The following DGAT2L6 variants were observed in gnomAD, a reference collection of about 807,000 sequenced individuals.
DGAT2L6 encodes the protein diacylglycerol O-acyltransferase 2-like protein 6.
In DGAT2L6, 22 loss-of-function variants were observed where a neutral mutation model predicts 25.5. The observed-to-expected ratio is 0.86, with a 90% CI of 0.62 to 1.23. The LOEUF is 1.23. Ranked by LOEUF, DGAT2L6 falls within the 50% of genes most tolerant of loss-of-function variation. The probability of loss-of-function intolerance (pLI) is 0.00; values close to 1 mark genes in which losing one functional copy is unlikely to be tolerated. For missense variants in DGAT2L6, 287 were observed against 253.2 expected, an observed-to-expected ratio of 1.13 and a Z score of -0.91; for synonymous variants, 100 against 94.7, an observed-to-expected ratio of 1.06 and a Z score of -0.32.
chrX:70,204,902 T>A (rs1175990278), intron 6 of DGAT2L6, 50 bp from the exon 7 acceptor site: 1 of 1,130,661 alleles, frequency 8.8e-7, no homozygotes, highest in Middle Eastern at 2.6e-4. Flanking sequence ...GGATGAGTAG[T>A]TTGAGTTGAG....
chrX:70,186,363 CT>C (rs1458131950), intron 1 of DGAT2L6, among the ~76,000 whole-genome samples: 2 of 112,027 alleles, frequency 1.8e-5, no homozygotes, highest in Admixed American at 9.5e-5. Context: ...GTCCTCAATT[CT>C]GACCGGGAGA....
intron 1 of DGAT2L6, among the ~76,000 whole-genome samples, chrX:70,186,259 A>G (rs928745889): frequency 2.7e-5 from 3 of 112,216 alleles, no homozygotes; most frequent in African/African-American, 9.7e-5. Context: ...AGGGAGAGAG[A>G]CAGACATATG....
At position 70,190,839 on chromosome X, in the gene DGAT2L6, C is replaced by A. The variant is rs979483037; in HGVS notation, c.86-8432C>A. ...TCCAGCTCCATTCAACTGTACAGGG[C>A]AGTCCTGTCCACCCAGGAACCTGGC... is the stretch of plus-strand genomic sequence containing the variant. On this transcript the variant is annotated intron_variant, in intron 1 of 6. Coordinates refer to ENST00000333026, the MANE Select transcript of DGAT2L6 (RefSeq NM_198512.3). Among the ~76,000 whole-genome samples the A allele has an allele frequency of 8.0e-5, 9 of 112,327 alleles. No individual in the cohort carries two copies. In the South Asian group the frequency reaches 1.1e-3, roughly 14 times the overall value.
chrX:70,191,897 C>T (rs1206459041), intron 1 of DGAT2L6, among the ~76,000 whole-genome samples: 2 of 111,134 alleles, frequency 1.8e-5, no homozygotes, highest in Non-Finnish European at 3.8e-5. Context: ...GAAAAAACTG[C>T]CAATGAAGAA....
At chrX:70,191,024 C>A (rs901589912) in intron 1 of DGAT2L6, among the ~76,000 whole-genome samples, 3 of 112,200 alleles carry the variant, frequency 2.7e-5, no homozygotes, top group Non-Finnish European at 3.8e-5. Context: ...TAGCAGAAGC[C>A]CCCCCATAAA....
In DGAT2L6 at chrX:70,205,166, C is replaced by T; in HGVS notation, c.*60C>T. 1 of 1,067,130 alleles carries T rather than the reference C, an allele frequency of 9.4e-7. No homozygotes were observed. The highest frequency in any genetic ancestry group is 1.2e-6 in the Non-Finnish European group (1 of 817,846). 87.9% of individuals were successfully genotyped at this position (1,067,130 alleles called of 1,213,427 possible). ...GCCATGAGGGATCCAAGTAGAGCCACAGAAAAAGAAGAATTCCAGGAGAGG... is the reference window on the plus strand; with the variant it reads ...GCCATGAGGGATCCAAGTAGAGCCATAGAAAAAGAAGAATTCCAGGAGAGG... On this transcript the variant is annotated 3_prime_UTR_variant, in exon 7 of 7. Coordinates refer to ENST00000333026, the MANE Select transcript of DGAT2L6 (RefSeq NM_198512.3).
chrX:70,182,808 G>C (rs1188502466), intron 1 of DGAT2L6, among the ~76,000 whole-genome samples: 1 of 111,519 alleles, frequency 9.0e-6, no homozygotes, highest in East Asian at 2.8e-4. Context: ...TGCCCGCCAC[G>C]ATGCCCGGCT....
rs1835000913 is a variant in DGAT2L6, at chrX:70,205,297, G to A, written c.*191G>A. 2 of 479,935 alleles carry A rather than the reference G, an allele frequency of 4.2e-6. No individual in the cohort carries two copies. The highest frequency in any genetic ancestry group is 5.9e-5 in the Admixed American group (1 of 17,085). The allele number at this position is 479,935 out of a possible 1,213,427, so 39.6% of individuals were successfully genotyped here. A position where few individuals can be genotyped will look rare whatever the true frequency, so the allele number is the denominator to read the frequency against. On this transcript the variant is annotated 3_prime_UTR_variant, in exon 7 of 7. Coordinates refer to ENST00000333026, the MANE Select transcript of DGAT2L6 (RefSeq NM_198512.3). ...TCCCAAGTGGCTGAGGCAGGCTTAG[G>A]GGAAAGAACCAGAGGGGCAGGGGAG...
intron 1 of DGAT2L6, among the ~76,000 whole-genome samples, chrX:70,195,294 T>G (rs2085387388): frequency 8.9e-6 from 1 of 111,804 alleles, no homozygotes; most frequent in Non-Finnish European, 1.9e-5. Flanking sequence ...TTGGTAGGTA[T>G]GTAAATTGTT....
chrX:70,189,114 G>T (rs1018961539), intron 1 of DGAT2L6, among the ~76,000 whole-genome samples: 1 of 110,266 alleles, frequency 9.1e-6, no homozygotes, highest in Non-Finnish European at 1.9e-5. Flanking sequence ...AAAAGCCCTA[G>T]CAAATGCAAT....
At chrX:70,190,989 C>T (rs985072437) in intron 1 of DGAT2L6, among the ~76,000 whole-genome samples, 8 of 112,135 alleles carry the variant, frequency 7.1e-5, no homozygotes, top group Admixed American at 6.6e-4. Flanking sequence ...CCTGTCCTGC[C>T]TGCCCAGGGA....
chrX:70,179,710 GGTGT>G (rs2085337444), intron 1 of DGAT2L6, among the ~76,000 whole-genome samples: 1 of 108,282 alleles, frequency 9.2e-6, no homozygotes, highest in Non-Finnish European at 1.9e-5. Flanking sequence ...CGGGACTACA[GGTGT>G]GTGCCACCAC....
At chrX:70,204,726 GCA>G (rs1569207695) in intron 6 of DGAT2L6, among the ~76,000 whole-genome samples, 1 of 111,647 alleles carries the variant, frequency 9.0e-6, no homozygotes, top group African/African-American at 3.3e-5. Flanking sequence ...ATCACCATTC[GCA>G]CACATTCTGT....
At chrX:70,197,663 G>GTAGGCA (rs2085396182) in intron 1 of DGAT2L6, among the ~76,000 whole-genome samples, 1 of 112,470 alleles carries the variant, frequency 8.9e-6, no homozygotes, top group Admixed American at 9.4e-5. Context: ...TGTGTGCCAA[G>GTAGGCA]CTCTCTTCTA....
chrX:70,189,896 T>TA (rs1393140779), intron 1 of DGAT2L6, among the ~76,000 whole-genome samples: 1 of 111,950 alleles, frequency 8.9e-6, no homozygotes, highest in African/African-American at 3.2e-5. Context: ...AAAGTTTAAT[T>TA]AAAAAACCTC....
intron 1 of DGAT2L6, among the ~76,000 whole-genome samples, chrX:70,188,268 T>A (rs961804824): frequency 9.0e-6 from 1 of 111,572 alleles, no homozygotes; most frequent in African/African-American, 3.3e-5. Flanking sequence ...TATGTAATGA[T>A]AAATGGGCTG....
intron 5 of DGAT2L6, 32 bp from the exon 6 acceptor site, chrX:70,204,273 G>A: frequency 8.7e-7 from 1 of 1,151,389 alleles, no homozygotes; most frequent in Middle Eastern, 2.5e-4. Flanking sequence ...ATCTTCCTCA[G>A]AGAGCTCACA....
chrX:70,177,783 G>T, intron 1 of DGAT2L6, 116 bp downstream of exon 1: 2 of 637,659 alleles, frequency 3.1e-6, no homozygotes. Context: ...CTCTGGGAAG[G>T]ATCTGGCTGG....
At position 70,199,824 on chromosome X, in the gene DGAT2L6, C is replaced by T. The variant is rs764465072; in HGVS notation, c.209C>T (p.Ser70Leu). ...TCTGTACCCACAGGTGGCAGGCGTTCAGCTTGGGTACGAAACTGGACCCTA... is the reference window on the plus strand; with the variant it reads ...TCTGTACCCACAGGTGGCAGGCGTTTAGCTTGGGTACGAAACTGGACCCTA... ...WNTHSQGGRR[S>L]AWVRNWTLWK... Residue 70 changes from serine to leucine, a missense_variant, in exon 3 of 7, where the codon TCA becomes TTA. Coordinates refer to ENST00000333026, the MANE Select transcript of DGAT2L6 (RefSeq NM_198512.3). The T allele has an allele frequency of 1.7e-6, 2 of 1,211,109 alleles. No homozygotes were observed. The highest frequency in any genetic ancestry group is 2.2e-6 in the Non-Finnish European group (2 of 895,131).
Sources: allele counts gnomAD v4.1 joint callset (sites outside exome capture counted in the v4.1 genomes callset), GRCh38; gene constraint gnomAD v4.1.1; transcripts MANE v1.5; gene names NCBI Gene and HGNC (gene_info 2026-07-23, HGNC 2026-07-21).